HIVEP1: variants seen among roughly 807,000 people sequenced by gnomAD.
HIVEP1 encodes HIVEP zinc finger 1, also known as zinc finger protein 40.
HIVEP1 carries 36 observed loss-of-function variants against 180.0 expected under a neutral mutation model. The observed-to-expected ratio is 0.20, with a 90% CI of 0.15 to 0.26. The LOEUF (loss-of-function observed/expected upper bound fraction) is 0.26. Among genes scored for constraint, HIVEP1 ranks in the 10% least tolerant of loss-of-function variants. The pLI, the probability that HIVEP1 is intolerant of heterozygous loss-of-function variation, is 1.00. For missense variants in HIVEP1, 3,143 were observed against 3,268.7 expected (o/e 0.96, Z 0.94); for synonymous variants, 1,239 against 1,239.0 (o/e 1.00, Z 0.00).
chr6:12,118,574 C>G (rs977837111), intron 3 of HIVEP1, among the ~76,000 whole-genome samples: 1 of 152,162 alleles, frequency 6.6e-6, no homozygotes, highest in African/African-American at 2.4e-5. Flanking sequence ...ATTTCTCTTG[C>G]AATAAGTTTT....
chr6:12,119,836 G>C, intron 3 of HIVEP1, 54 bp from the exon 4 acceptor site: 1 of 1,110,600 alleles, frequency 9.0e-7, no homozygotes, highest in Non-Finnish European at 1.3e-6. Context: ...AAAAATTATA[G>C]TTGGTGTATG....
intron 7 of HIVEP1, among the ~76,000 whole-genome samples, chr6:12,151,927 G>A (rs900766469): frequency 2.0e-5 from 3 of 152,104 alleles, no homozygotes; most frequent in African/African-American, 4.8e-5. Flanking sequence ...AGGCCGAGGC[G>A]GGTGGATCAC....
chr6:12,017,348 G>A (rs370676843), intron 2 of HIVEP1, among the ~76,000 whole-genome samples: 39 of 152,330 alleles, frequency 2.6e-4, no homozygotes, highest in African/African-American at 8.4e-4. Flanking sequence ...ATGTTCAGAT[G>A]TGTTTGGAGT....
chr6:12,068,380 A>G (rs1386184873), intron 2 of HIVEP1, among the ~76,000 whole-genome samples: 6 of 152,182 alleles, frequency 3.9e-5, no homozygotes, highest in Admixed American at 1.3e-4. Context: ...ACGAGCCACC[A>G]TGCCCAGCCT....
In HIVEP1 at chr6:12,161,656, C is replaced by T. The variant is rs773947325; in HGVS notation, c.6705C>T (p.Thr2235=). The T allele has an allele frequency of 6.2e-6, 10 of 1,614,018 alleles. No individual in the cohort carries two copies. The highest frequency in any genetic ancestry group is 2.7e-5 in the African/African-American group (2 of 74,910). ...GTACTGACGAGGATGTCAGGATCAC[C>T]GATTGCTTTTCTGGGGTACACACGG... The part of the protein sequence containing the change: ...PVSTDEDVRI[T]DCFSGVHTDP... The change falls in exon 8 of 9, where the codon ACC becomes ACT. Residue 2235 remains threonine, a synonymous_variant. Transcript: ENST00000379388.
At chr6:12,138,615 C>G (rs1284198799) in intron 7 of HIVEP1, among the ~76,000 whole-genome samples, 2 of 152,122 alleles carry the variant, frequency 1.3e-5, no homozygotes, top group Non-Finnish European at 2.9e-5. Flanking sequence ...GGCCTTTGAT[C>G]TCTTCTCTTC....
chr6:12,036,075 A>AG (rs1769259852), intron 2 of HIVEP1, among the ~76,000 whole-genome samples: 3 of 152,252 alleles, frequency 2.0e-5, no homozygotes, highest in Admixed American at 1.3e-4. Context: ...AATGGCACCC[A>AG]GGGCTGCTGA....
At chr6:12,022,859 A>C (rs1286857950) in intron 2 of HIVEP1, among the ~76,000 whole-genome samples, 1 of 152,160 alleles carries the variant, frequency 6.6e-6, no homozygotes, top group East Asian at 1.9e-4. Context: ...TCTGGGGGAG[A>C]GAGGTCAGTG....
chr6:12,176,687 T>A, the HIVEP1 span, among the ~76,000 whole-genome samples: 3 of 152,214 alleles, frequency 2.0e-5, no homozygotes, highest in Non-Finnish European at 4.4e-5. Flanking sequence ...GCATTGTTTT[T>A]TTTTCTTTTA....
At chr6:12,157,938 T>G (rs1440653549) in intron 7 of HIVEP1, among the ~76,000 whole-genome samples, 3 of 152,194 alleles carry the variant, frequency 2.0e-5, no homozygotes, top group Admixed American at 6.5e-5. Flanking sequence ...TGTTACCATA[T>G]TTTTTATTTG....
At chr6:12,019,050 A>G (rs1175569602) in intron 2 of HIVEP1, among the ~76,000 whole-genome samples, 1 of 152,242 alleles carries the variant, frequency 6.6e-6, no homozygotes, top group African/African-American at 2.4e-5. Context: ...TGTTTGACTA[A>G]GGTAGTTAAG....
intron 2 of HIVEP1, among the ~76,000 whole-genome samples, chr6:12,046,947 G>A (rs1368100889): frequency 2.0e-5 from 3 of 149,770 alleles, no homozygotes; most frequent in African/African-American, 4.9e-5. Context: ...TGCAATCTTC[G>A]CCTCCTGGGT....
chr6:12,137,409 G>T (rs1455196343), intron 7 of HIVEP1, among the ~76,000 whole-genome samples: 1 of 152,136 alleles, frequency 6.6e-6, no homozygotes. Flanking sequence ...TTTGCTGACT[G>T]ATTGACCTAC....
chr6:12,119,218 G>T (rs1254699371), intron 3 of HIVEP1, among the ~76,000 whole-genome samples: 1 of 152,220 alleles, frequency 6.6e-6, no homozygotes, highest in East Asian at 1.9e-4. Flanking sequence ...GGAGTTTTGG[G>T]GTTGGTTAAT....
the HIVEP1 span, among the ~76,000 whole-genome samples, chr6:12,201,708 T>A: frequency 6.6e-6 from 1 of 152,240 alleles, no homozygotes. Flanking sequence ...CTCTCAGATT[T>A]ATTTTCATCG....
Position 12,163,706 on chromosome 6 carries a change from C to A in HIVEP1, c.7402C>A (p.Pro2468Thr). ...ATTAAGCAGTGTTGTGCCATGTATTCCTATCGGCCAAATCCGCGTGCCAGG... is the reference window on the plus strand; with the variant it reads ...ATTAAGCAGTGTTGTGCCATGTATTACTATCGGCCAAATCCGCGTGCCAGG... ...AELSSVVPCI[P>T]IGQIRVPGLQ... is the part of the protein sequence containing the mutation. Residue 2468 changes from proline to threonine, a missense_variant, in exon 9 of 9, where the codon CCT (proline) becomes ACT (threonine). Physicochemically the swap from Pro to Thr is conservative, Grantham distance 38 (BLOSUM62 -1). This residue lies in a region of HIVEP1 where 595 missense variants were observed against 602.2 expected (regional missense o/e 0.99). Coordinates refer to ENST00000379388, the MANE Select transcript of HIVEP1 (RefSeq NM_002114.4). 1 of 1,614,124 alleles carries A rather than the reference C, an allele frequency of 6.2e-7. No individual in the cohort carries two copies. The highest frequency in any genetic ancestry group is 8.5e-7 in the Non-Finnish European group (1 of 1,180,014).
chr6:12,026,658 A>G (rs1039140723), intron 2 of HIVEP1, among the ~76,000 whole-genome samples: 2 of 152,218 alleles, frequency 1.3e-5, no homozygotes, highest in Non-Finnish European at 2.9e-5. Flanking sequence ...GTATTTAAAG[A>G]AGATCGTTCG....
downstream of HIVEP1, among the ~76,000 whole-genome samples, chr6:12,169,756 C>G (rs1458040852): frequency 6.6e-6 from 1 of 152,070 alleles, no homozygotes; most frequent in Non-Finnish European, 1.5e-5. Context: ...GTCATGAAGT[C>G]TAAGACAAAT....
intron 1 of HIVEP1, among the ~76,000 whole-genome samples, chr6:12,015,144 A>G (rs185078630): frequency 6.6e-6 from 1 of 152,340 alleles, no homozygotes; most frequent in Admixed American, 6.5e-5. Flanking sequence ...GTATTAACTG[A>G]GTTAACTCTA....
Sources: gnomAD v4.1 joint callset for allele counts (sites outside exome capture counted in the v4.1 genomes callset) on GRCh38, gnomAD v4.1.1 for gene constraint, gnomAD v4.1.1 regional missense constraint, MANE v1.5 for transcripts, NCBI Gene and HGNC (gene_info 2026-07-23, HGNC 2026-07-21) for gene names.